Variants in PARP8 observed in about 807,000 individuals in gnomAD.
PARP8 encodes protein mono-ADP-ribosyltransferase PARP8.
A neutral mutation model predicts 124.1 loss-of-function variants in PARP8; 51 were observed. That is an observed-to-expected ratio of 0.41 (90% CI 0.33 to 0.52). The LOEUF (loss-of-function observed/expected upper bound fraction) is 0.52. Among genes scored for constraint, PARP8 ranks in the 20% least tolerant of loss-of-function variants. The pLI is 0.21. For missense variants in PARP8, 860 were observed against 1,018.9 expected (o/e 0.84, Z 2.12); for synonymous variants, 391 against 361.5 (o/e 1.08, Z -0.93).
chr5:50,696,419 C>A (rs908664399), intron 2 of PARP8, among the ~76,000 whole-genome samples: 8 of 152,136 alleles, frequency 5.3e-5, no homozygotes, highest in Non-Finnish European at 1.2e-4. Context: ...CATTAAATTT[C>A]TTGAATAATC....
chr5:50,764,464 G>C (rs1187063433), intron 7 of PARP8, among the ~76,000 whole-genome samples: 2 of 152,212 alleles, frequency 1.3e-5, no homozygotes, highest in Non-Finnish European at 2.9e-5. Flanking sequence ...GTATGGCACA[G>C]CTGTAATTTA....
chr5:50,840,808 G>T (rs1748100864), intron 25 of PARP8, among the ~76,000 whole-genome samples: 1 of 151,894 alleles, frequency 6.6e-6, no homozygotes, highest in Non-Finnish European at 1.5e-5. Context: ...TTGTAATTGG[G>T]CTGTGTACCA....
intron 2 of PARP8, among the ~76,000 whole-genome samples, chr5:50,700,428 C>T (rs1300010507): frequency 6.6e-6 from 1 of 152,164 alleles, no homozygotes; most frequent in East Asian, 1.9e-4. Flanking sequence ...CTTGAGTAGC[C>T]TGTGGTTTCT....
At chr5:50,829,838 T>G (rs1223694125) in intron 21 of PARP8, 54 bp from the exon 22 acceptor site, 6 of 1,486,864 alleles carry the variant, frequency 4.0e-6, no homozygotes, top group African/African-American at 1.4e-5. Context: ...TGTCAAATAT[T>G]ATCATTTAAA....
intron 2 of PARP8, among the ~76,000 whole-genome samples, chr5:50,712,573 T>C (rs1378251980): frequency 2.6e-5 from 4 of 152,146 alleles, no homozygotes; most frequent in African/African-American, 9.7e-5. Context: ...CATGATTTCC[T>C]CATTTACTCA....
At chr5:50,749,150 C>T (rs1394015761) in intron 2 of PARP8, among the ~76,000 whole-genome samples, 1 of 152,164 alleles carries the variant, frequency 6.6e-6, no homozygotes, top group African/African-American at 2.4e-5. Flanking sequence ...TCTGTTTGTA[C>T]ATATATTAAG....
chr5:50,796,948 A>T, intron 12 of PARP8, 34 bp from the exon 13 acceptor site: 1 of 1,572,086 alleles, frequency 6.4e-7, no homozygotes, highest in Non-Finnish European at 8.7e-7. Context: ...ACATTTAAAA[A>T]AATTATCATT....
intron 12 of PARP8, among the ~76,000 whole-genome samples, 175 bp from the exon 13 acceptor site, chr5:50,796,807 T>A (rs974797530): frequency 6.6e-6 from 1 of 152,184 alleles, no homozygotes; most frequent in African/African-American, 2.4e-5. Context: ...AGAAAGGGTA[T>A]TTATAATAGA....
At chr5:50,682,327 T>A (rs1222134794) in intron 2 of PARP8, among the ~76,000 whole-genome samples, 1 of 152,186 alleles carries the variant, frequency 6.6e-6, no homozygotes, top group Non-Finnish European at 1.5e-5. Flanking sequence ...TTGTAAATTG[T>A]TCATTTCATT....
intron 14 of PARP8, among the ~76,000 whole-genome samples, chr5:50,809,186 A>G (rs1193031055): frequency 6.6e-6 from 1 of 152,046 alleles, no homozygotes; most frequent in African/African-American, 2.4e-5. Flanking sequence ...CTCTCTCTCA[A>G]TGAACGGTAC....
chr5:50,763,356 T>G (rs1760749619), intron 7 of PARP8, 114 bp downstream of exon 7: 1 of 734,122 alleles, frequency 1.4e-6, no homozygotes, highest in African/African-American at 1.8e-5. Flanking sequence ...TTAAAGTGTT[T>G]TAGAAAGAGT....
chr5:50,783,768 A>C (rs1417865966), intron 9 of PARP8, among the ~76,000 whole-genome samples: 1 of 152,136 alleles, frequency 6.6e-6, no homozygotes, highest in African/African-American at 2.4e-5. Flanking sequence ...TCATCATTTC[A>C]ATTGCGTGGC....
At chr5:50,712,161 A>G (rs1754824094) in intron 2 of PARP8, among the ~76,000 whole-genome samples, 1 of 152,170 alleles carries the variant, frequency 6.6e-6, no homozygotes, top group Non-Finnish European at 1.5e-5. Context: ...CAGAAACTAA[A>G]TTATGTTATG....
intron 2 of PARP8, among the ~76,000 whole-genome samples, chr5:50,745,549 G>C (rs763534727): frequency 6.6e-6 from 1 of 152,170 alleles, no homozygotes; most frequent in Non-Finnish European, 1.5e-5. Flanking sequence ...CAGCTAGTAA[G>C]CCTCAAAGCT....
chr5:50,786,764 C>T lies in PARP8; in HGVS notation c.671-1759C>T, dbSNP rs576952020. ...CCAGCCTTCTTTGCTGAGCTGGGCT[C>T]GGGGCCTAATCCTCACATTTTCTCT... On this transcript the variant is annotated intron_variant, in intron 9 of 25. Transcript: ENST00000281631. Among the ~76,000 whole-genome samples the T allele has an allele frequency of 2.1e-4, 32 of 152,176 alleles. No homozygotes were observed. In the South Asian group the frequency reaches 5.0e-3, roughly 24 times the overall value.
At chr5:50,785,087 G>T (rs1741095815) in intron 9 of PARP8, among the ~76,000 whole-genome samples, 4 of 151,646 alleles carry the variant, frequency 2.6e-5, no homozygotes, top group Admixed American at 2.0e-4. Flanking sequence ...TTGAATTTTG[G>T]AATATTTTAT....
Position 50,666,803 on chromosome 5 carries a change from G to GGT in PARP8, c.-290_-289dup. The GGT allele has an allele frequency of 8.8e-7, 1 of 1,136,376 alleles. No homozygotes were observed. The highest frequency in any genetic ancestry group is 1.1e-6 in the Non-Finnish European group (1 of 888,402). 70.4% of individuals were successfully genotyped at this position (1,136,376 alleles called of 1,614,324 possible). ...GCGGGTGAGGGAGAAAGTGAGACTT[G>GGT]GTGTCATCACCATCCATTGTCAGAA... On this transcript the variant is annotated 5_prime_UTR_variant, in exon 1 of 26. Transcript: ENST00000281631.
At chr5:50,766,766 C>A (rs1039950352) in intron 7 of PARP8, among the ~76,000 whole-genome samples, 1 of 151,950 alleles carries the variant, frequency 6.6e-6, no homozygotes, top group East Asian at 1.9e-4. Flanking sequence ...TTGAGGGTAA[C>A]GTTTGGGAAA....
At chr5:50,778,471 C>G (rs1740284999) in intron 8 of PARP8, 89 bp from the exon 9 acceptor site, 1 of 1,141,860 alleles carries the variant, frequency 8.8e-7, no homozygotes, top group African/African-American at 1.6e-5. Flanking sequence ...ATGCATTTTG[C>G]GAACACAAGT....
Sources: gnomAD v4.1 joint callset for allele counts (sites outside exome capture counted in the v4.1 genomes callset) on GRCh38, gnomAD v4.1.1 for gene constraint, MANE v1.5 for transcripts, NCBI Gene and HGNC (gene_info 2026-07-23, HGNC 2026-07-21) for gene names.